The following TEAD1 variants were observed in gnomAD, a reference collection of about 807,000 sequenced individuals.
TEAD1 encodes TEA domain transcription factor 1.
TEAD1 carries 9 observed loss-of-function variants against 54.9 expected under a neutral mutation model. That is an observed-to-expected ratio of 0.16 (90% confidence interval 0.10 to 0.29). The LOEUF (loss-of-function observed/expected upper bound fraction) is 0.29, where lower values mean the gene tolerates loss of function less well. TEAD1 is among the 10% of genes least tolerant of loss of function. The probability of loss-of-function intolerance (pLI) is 1.00; values close to 1 mark genes in which losing one functional copy is unlikely to be tolerated. For synonymous variants in TEAD1, 200 were observed against 187.8 expected, an observed-to-expected ratio of 1.07 and a Z score of -0.53; for missense variants, 387 against 535.9, an observed-to-expected ratio of 0.72 and a Z score of 2.74.
At chr11:12,930,398 C>A in intron 12 of TEAD1, 72 bp downstream of exon 12, 1 of 1,580,592 alleles carries the variant, frequency 6.3e-7, no homozygotes, top group Non-Finnish European at 8.7e-7. Context: ...GAAGGTGGGC[C>A]TGGGAGGCGC....
intron 3 of TEAD1, among the ~76,000 whole-genome samples, chr11:12,826,158 T>C (rs1453409954): frequency 2.0e-5 from 3 of 152,212 alleles, no homozygotes; most frequent in African/African-American, 7.2e-5. Context: ...CAAATTACTT[T>C]TCGAGAAGGT....
intron 6 of TEAD1, 47 bp from the exon 7 acceptor site, chr11:12,880,958 T>C (rs1947954285): frequency 6.2e-7 from 1 of 1,611,348 alleles, no homozygotes; most frequent in Non-Finnish European, 8.5e-7. Flanking sequence ...TAAACTGTGC[T>C]TTGAAGTAAA....
rs750401169 is a variant in TEAD1, at chr11:12,862,332, G to C, written c.267+18G>C. 6.2e-7 allele frequency: 1 copy of C among 1,612,848 alleles called. No homozygotes were observed. Among genetic ancestry groups the C allele is most frequent in the African/African-American group, 1.3e-5 (1 of 74,994 alleles). On this transcript the variant is annotated intron_variant, in intron 4 of 12. Coordinates refer to ENST00000527636, the MANE Select transcript of TEAD1 (RefSeq NM_021961.6). ...GAAAACAGGTAAAATAACCCACCTG[G>C]AAATTGTGCATGTCAGCGAATGGCC...
At position 12,943,612 on chromosome 11, in the gene TEAD1, G is replaced by T. The variant is rs112932949; in HGVS notation, c.*6390G>T. ...TGTTTCCTCTCGTTTATCATGAAAT[G>T]GGGTCAGATTCCATCAGATTCCACC... is the stretch of plus-strand genomic sequence containing the variant. On this transcript the variant is annotated 3_prime_UTR_variant, in exon 13 of 13. Coordinates refer to ENST00000527636, the MANE Select transcript of TEAD1 (RefSeq NM_021961.6). The T allele has an allele frequency of 6.6e-6, 1 of 152,144 alleles. No individual in the cohort carries two copies. 9.4% of individuals were successfully genotyped at this position (152,144 alleles called of 1,614,324 possible). A position where few individuals can be genotyped will look rare whatever the true frequency, so the allele number is the denominator to read the frequency against.
rs541522067 is a variant in TEAD1, at chr11:12,717,112, G to A, written c.-55+41551G>A. 1.8e-4 allele frequency among the ~76,000 whole-genome samples: 28 copies of A among 152,304 alleles called. No individual in the cohort carries two copies. The South Asian group carries it at 4.1e-3, about 23-fold the overall frequency. ...GGATGAGCCATAAACAGTCAAGTCT[G>A]GCCATGGAATGTAATGAATGTAGTT... On this transcript the variant is annotated intron_variant, in intron 2 of 12. Transcript: ENST00000527636.
At chr11:12,879,154 G>A (rs1281666623) in intron 5 of TEAD1, among the ~76,000 whole-genome samples, 4 of 152,080 alleles carry the variant, frequency 2.6e-5, no homozygotes, top group African/African-American at 7.2e-5. Context: ...CCCAACCCCC[G>A]CTGCTTCTGA....
At chr11:12,698,354 G>T (rs551248994) in intron 2 of TEAD1, among the ~76,000 whole-genome samples, 1 of 152,168 alleles carries the variant, frequency 6.6e-6, no homozygotes, top group Admixed American at 6.5e-5. Flanking sequence ...TGAAGTGGGG[G>T]TGGAGGATGG....
chr11:12,733,080 C>A (rs745588791), intron 2 of TEAD1, among the ~76,000 whole-genome samples: 13 of 152,190 alleles, frequency 8.5e-5, no homozygotes, highest in Non-Finnish European at 1.5e-4. Flanking sequence ...ACATGGGGGC[C>A]TGCCTTGGGC....
At chr11:12,791,006 G>T (rs1422063002) in intron 3 of TEAD1, among the ~76,000 whole-genome samples, 2 of 152,212 alleles carry the variant, frequency 1.3e-5, no homozygotes, top group Non-Finnish European at 2.9e-5. Flanking sequence ...TTACCCAAGA[G>T]AAATGAAAAC....
At chr11:12,681,639 G>A (rs1337671325) in intron 2 of TEAD1, among the ~76,000 whole-genome samples, 1 of 152,210 alleles carries the variant, frequency 6.6e-6, no homozygotes, top group Non-Finnish European at 1.5e-5. Flanking sequence ...GTGGCTCAGT[G>A]GAAGTCTGAT....
At chr11:12,783,361 G>C (rs1198550414) in intron 3 of TEAD1, among the ~76,000 whole-genome samples, 3 of 152,106 alleles carry the variant, frequency 2.0e-5, no homozygotes, top group African/African-American at 7.2e-5. Context: ...AGTTAGTTCT[G>C]GTAAAAGCTT....
rs1590008902 is a variant in TEAD1 at position 12,938,945 on chromosome 11, A to C, written c.*1723A>C. 1 of 152,372 alleles carries C rather than the reference A, an allele frequency of 6.6e-6. No individual in the cohort carries two copies. Among genetic ancestry groups the C allele is most frequent in the East Asian group, 1.9e-4 (1 of 5,188 alleles). 9.4% of individuals were successfully genotyped at this position (152,372 alleles called of 1,614,324 possible). On this transcript the variant is annotated 3_prime_UTR_variant, in exon 13 of 13. Transcript: ENST00000527636. ...AGAAAATAAAAAACTTAGTTCTACCACATCCAATTAACTTACACACCCCCT... is the reference window on the plus strand; with the variant it reads ...AGAAAATAAAAAACTTAGTTCTACCCCATCCAATTAACTTACACACCCCCT...
intron 2 of TEAD1, among the ~76,000 whole-genome samples, chr11:12,738,101 C>A (rs1199726457): frequency 6.6e-6 from 1 of 152,162 alleles, no homozygotes; most frequent in African/African-American, 2.4e-5. Flanking sequence ...CTGGGTCCCT[C>A]CCACAACATG....
intron 12 of TEAD1, among the ~76,000 whole-genome samples, chr11:12,931,878 A>C (rs1949017553): frequency 6.6e-6 from 1 of 152,156 alleles, no homozygotes; most frequent in Non-Finnish European, 1.5e-5. Context: ...CCCTGGATGA[A>C]TAAAATGAGT....
intron 10 of TEAD1, among the ~76,000 whole-genome samples, chr11:12,902,832 C>T (rs1227578059): frequency 6.6e-6 from 1 of 152,046 alleles, no homozygotes; most frequent in East Asian, 1.9e-4. Flanking sequence ...TATGCTCTGC[C>T]TTCTGTTTGT....
Position 12,699,144 on chromosome 11 carries a change from A to G in TEAD1, c.-55+23583A>G, listed in dbSNP as rs185620869. On this transcript the variant is annotated intron_variant, in intron 2 of 12. Transcript: ENST00000527636. ...AGGAATCTAGACCCAGTGGCTGGTC[A>G]CTTGTCTCATCACTGTATCTTTCAC... 6.0e-4 allele frequency among the ~76,000 whole-genome samples: 91 copies of G among 152,318 alleles called. 1 individual carries two copies. Among genetic ancestry groups the G allele is most frequent in the African/African-American group, 2.0e-3 (84 of 41,566 alleles).
chr11:12,846,287 C>T (rs1314031220), intron 3 of TEAD1, among the ~76,000 whole-genome samples: 1 of 151,126 alleles, frequency 6.6e-6, no homozygotes, highest in African/African-American at 2.4e-5. Context: ...CTGTGCACAG[C>T]TTAAACACCT....
intron 3 of TEAD1, among the ~76,000 whole-genome samples, chr11:12,805,574 C>T (rs1412047635): frequency 1.3e-5 from 2 of 152,126 alleles, no homozygotes; most frequent in South Asian, 2.1e-4. Flanking sequence ...TAGGTCTACC[C>T]ATATTGAGTT....
At chr11:12,892,017 A>G (rs1317855939) in intron 9 of TEAD1, among the ~76,000 whole-genome samples, 4 of 152,214 alleles carry the variant, frequency 2.6e-5, no homozygotes, top group African/African-American at 9.6e-5. Flanking sequence ...GAGGGAGCCC[A>G]AGGTCTCCCC....
Sources: gnomAD v4.1 joint callset for allele counts (sites outside exome capture counted in the v4.1 genomes callset) on GRCh38, gnomAD v4.1.1 for gene constraint, MANE v1.5 for transcripts, NCBI Gene and HGNC (gene_info 2026-07-23, HGNC 2026-07-21) for gene names.